The following NEK7 variants were observed in gnomAD, a reference collection of about 807,000 sequenced individuals.
NEK7 encodes NIMA related kinase 7.
NEK7 carries 18 observed loss-of-function variants against 44.6 expected under a neutral mutation model. The observed-to-expected ratio is 0.40, with a 90% confidence interval of 0.28 to 0.60. NEK7 has a LOEUF of 0.60. NEK7 is among the 20% of genes least tolerant of loss of function. The pLI, the probability that NEK7 is intolerant of heterozygous loss-of-function variation, is 0.38. For missense variants in NEK7, 256 were observed against 366.5 expected, an observed-to-expected ratio of 0.70 and a Z score of 2.46; for synonymous variants, 130 against 121.1, an observed-to-expected ratio of 1.07 and a Z score of -0.48.
Position 198,319,495 on chromosome 1 carries a change from G to A in NEK7, c.882G>A (p.Arg294=). ...DVTYVYDVAK[R]MHACTASS ...CCTATGTTTATGACGTAGCAAAGAG[G>A]ATGCATGCATGCACTGCAAGCAGCT... is the stretch of plus-strand genomic sequence containing the variant. The change falls in exon 10 of 10, where the codon AGG becomes AGA. Residue 294 remains arginine (R), a synonymous_variant. Coordinates refer to ENST00000367385, the MANE Select transcript of NEK7 (RefSeq NM_133494.3). The A allele has an allele frequency of 6.2e-7, 1 of 1,612,526 alleles. No homozygotes were observed.
intron 1 of NEK7, among the ~76,000 whole-genome samples, chr1:198,164,629 A>G (rs780179411): frequency 6.6e-6 from 1 of 152,212 alleles, no homozygotes; most frequent in Non-Finnish European, 1.5e-5. Context: ...ATTAAAAAAT[A>G]TTTTATTGCC....
intron 2 of NEK7, among the ~76,000 whole-genome samples, chr1:198,244,811 G>A (rs1473533893): frequency 1.3e-5 from 2 of 151,358 alleles, no homozygotes; most frequent in Admixed American, 6.6e-5. Flanking sequence ...TTGATAAAAA[G>A]CTGAAAAAAA....
At chr1:198,222,576 T>A (rs1398207473) in intron 1 of NEK7, among the ~76,000 whole-genome samples, 1 of 152,116 alleles carries the variant, frequency 6.6e-6, no homozygotes, top group Admixed American at 6.6e-5. Flanking sequence ...ATTTTTAACT[T>A]CCATTTTCCA....
At chr1:198,246,162 AT>A (rs1272774818) in intron 2 of NEK7, among the ~76,000 whole-genome samples, 7 of 152,166 alleles carry the variant, frequency 4.6e-5, no homozygotes, top group Non-Finnish European at 8.8e-5. Flanking sequence ...AAGTATATAG[AT>A]ATATTACCTG....
chr1:198,226,305 G>T (rs1462021110), intron 1 of NEK7, among the ~76,000 whole-genome samples: 2 of 152,018 alleles, frequency 1.3e-5, no homozygotes, highest in African/African-American at 2.4e-5. Flanking sequence ...AGCACTTTGG[G>T]AGGCCAAGGC....
chr1:198,161,482 A>C (rs1285543958), intron 1 of NEK7, among the ~76,000 whole-genome samples: 1 of 152,174 alleles, frequency 6.6e-6, no homozygotes, highest in Non-Finnish European at 1.5e-5. Context: ...AGAGGTCTAA[A>C]TGTGGTGCTA....
intron 1 of NEK7, among the ~76,000 whole-genome samples, chr1:198,220,211 G>A (rs1046628942): frequency 2.0e-5 from 3 of 151,784 alleles, no homozygotes; most frequent in African/African-American, 7.3e-5. Context: ...GTGGCCGATG[G>A]GAACCCATTC....
intron 7 of NEK7, among the ~76,000 whole-genome samples, chr1:198,286,990 T>C (rs1654391026): frequency 6.6e-6 from 1 of 152,194 alleles, no homozygotes; most frequent in Admixed American, 6.5e-5. Context: ...GTCCTCAACC[T>C]TTATGGCTGC....
At chr1:198,158,710 T>C (rs963735770) in intron 1 of NEK7, among the ~76,000 whole-genome samples, 4 of 152,202 alleles carry the variant, frequency 2.6e-5, no homozygotes, top group African/African-American at 7.2e-5. Context: ...TCTTGGTTTG[T>C]AACACTTGGT....
At chr1:198,310,084 T>C (rs1655131519) in intron 9 of NEK7, among the ~76,000 whole-genome samples, 1 of 152,012 alleles carries the variant, frequency 6.6e-6, no homozygotes, top group Non-Finnish European at 1.5e-5. Flanking sequence ...TTCCTATTTC[T>C]CCACATCCTC....
chr1:198,284,927 A>G (rs1481795964), intron 7 of NEK7, among the ~76,000 whole-genome samples: 1 of 152,124 alleles, frequency 6.6e-6, no homozygotes, highest in Non-Finnish European at 1.5e-5. Flanking sequence ...GCATTTAAAA[A>G]TTTCTGAGCA....
intron 9 of NEK7, among the ~76,000 whole-genome samples, chr1:198,312,859 G>A (rs1430535715): frequency 6.6e-6 from 1 of 152,022 alleles, no homozygotes; most frequent in African/African-American, 2.4e-5. Context: ...TTACTTCCAA[G>A]TATGTGGTCA....
intron 2 of NEK7, chr1:198,245,229 C>T (rs1235862668): frequency 3.0e-5 from 5 of 169,244 alleles, no homozygotes; most frequent in Non-Finnish European, 5.9e-5. Context: ...CTTGCTGTCT[C>T]ATGGAAGGGA....
chr1:198,288,292 A>C (rs901271603), intron 7 of NEK7, among the ~76,000 whole-genome samples: 1 of 152,222 alleles, frequency 6.6e-6, no homozygotes, highest in Non-Finnish European at 1.5e-5. Flanking sequence ...ATCTAATTTT[A>C]AACGGTGTAC....
intron 3 of NEK7, among the ~76,000 whole-genome samples, chr1:198,259,817 A>G (rs987942664): frequency 6.6e-6 from 1 of 152,088 alleles, no homozygotes; most frequent in Admixed American, 6.6e-5. Context: ...ACACTCACAC[A>G]CACACACACA....
chr1:198,272,301 GATA>G (rs1203305735), intron 5 of NEK7, among the ~76,000 whole-genome samples: 1 of 151,784 alleles, frequency 6.6e-6, no homozygotes, highest in African/African-American at 2.4e-5. Context: ...ATTTGAAGAT[GATA>G]ATGATATAAA....
At chr1:198,219,029 A>G (rs941198882) in intron 1 of NEK7, among the ~76,000 whole-genome samples, 5 of 151,918 alleles carry the variant, frequency 3.3e-5, no homozygotes, top group African/African-American at 1.2e-4. Flanking sequence ...AAGTTAATCC[A>G]CTATTTGATC....
intron 5 of NEK7, among the ~76,000 whole-genome samples, chr1:198,265,185 A>T (rs1423198308): frequency 6.6e-6 from 1 of 151,946 alleles, no homozygotes; most frequent in Non-Finnish European, 1.5e-5. Flanking sequence ...GTCACACAAC[A>T]TTTTCAACTT....
chr1:198,172,460 G>C (rs1664478303), intron 1 of NEK7, among the ~76,000 whole-genome samples: 1 of 152,156 alleles, frequency 6.6e-6, no homozygotes, highest in Non-Finnish European at 1.5e-5. Context: ...TTTTGACTCT[G>C]TAGTTTTTCA....
Sources: allele counts gnomAD v4.1 joint callset (sites outside exome capture counted in the v4.1 genomes callset), GRCh38; gene constraint gnomAD v4.1.1; transcripts MANE v1.5; gene names NCBI Gene and HGNC (gene_info 2026-07-23, HGNC 2026-07-21).